The following ARFGEF1 variants were observed in gnomAD, a reference collection of about 807,000 sequenced individuals.
ARFGEF1 encodes the protein brefeldin A-inhibited guanine nucleotide-exchange protein 1.
A neutral mutation model predicts 231.0 loss-of-function variants in ARFGEF1; 42 were observed. The ratio of observed to expected loss-of-function variants is 0.18; its 90% CI spans 0.14 to 0.24. The LOEUF (loss-of-function observed/expected upper bound fraction) is 0.24, where lower values mean the gene tolerates loss of function less well. Ranked by LOEUF, ARFGEF1 falls within the 10% of genes least tolerant of loss-of-function variation. ARFGEF1 has a pLI of 1.00. For synonymous variants in ARFGEF1, 710 were observed against 732.3 expected (o/e 0.97, Z 0.49); for missense variants, 1,345 against 2,192.0 (o/e 0.61, Z 7.72).
rs549571655 is a variant in ARFGEF1, at chr8:67,226,183, G to A, written c.3917C>T (p.Thr1306Ile). ...TGGAAAGTGTTTTTCAAATACAAGG[G>A]CTAAAATAGAGAAAAATATATATTA... The part of the protein sequence containing the change: ...LAFQTTGHIV[T>I]LVFEKHFPAT... Residue 1306 changes from threonine to isoleucine, a missense_variant and splice_region_variant, in exon 28 of 39, where the codon ACC becomes ATC. Coordinates refer to ENST00000262215, the MANE Select transcript of ARFGEF1 (RefSeq NM_006421.5). The A allele has an allele frequency of 3.6e-5, 57 of 1,581,454 alleles. No individual in the cohort carries two copies. Among genetic ancestry groups the A allele is most frequent in the Middle Eastern group, 3.4e-4 (2 of 5,898 alleles).
rs370980556 is a variant in ARFGEF1, at chr8:67,224,986, G to A, written c.4125C>T (p.Asp1375=). The A allele has an allele frequency of 7.6e-5, 122 of 1,606,142 alleles. No individual in the cohort carries two copies. The highest frequency in any genetic ancestry group is 1.0e-4 in the Non-Finnish European group (118 of 1,176,334). Residue 1375 remains aspartate (D), a synonymous_variant, in exon 29 of 39, where the codon GAC becomes GAT. Transcript: ENST00000262215. ...TSDDMNVAPE[D]RVWVRGWFPI... is the part of the protein sequence containing the mutation. ...GGAACCATCCTCTCACCCACACCCT[G>A]TCTTCAGGTGCTACGTTCATATCAT... is the stretch of plus-strand genomic sequence containing the variant.
At chr8:67,186,514 A>G (rs1834644878) in intron 5 of ARFGEF1, among the ~76,000 whole-genome samples, 1 of 152,170 alleles carries the variant, frequency 6.6e-6, no homozygotes, top group African/African-American at 2.4e-5. Context: ...GTAACTCAGC[A>G]AACTTGGAAT....
chr8:67,241,840 C>T lies in ARFGEF1; in HGVS notation c.2851-1550G>A, dbSNP rs540023542. On this transcript the variant is annotated intron_variant, in intron 19 of 38. Coordinates refer to ENST00000262215, the MANE Select transcript of ARFGEF1 (RefSeq NM_006421.5). ...TAGGAAAGACAGTCTTAAATCCCAA[C>T]GCCATCCCTCCCCCGTCTCCCATCA... Among the ~76,000 whole-genome samples, 76 of 152,258 alleles carry T rather than the reference C, an allele frequency of 5.0e-4. 1 individual carries two copies. The South Asian group carries it at 0.01, about 21-fold the overall frequency.
chr8:67,292,180 G>C, intron 5 of ARFGEF1, 57 bp from the exon 6 acceptor site: 1 of 1,480,802 alleles, frequency 6.8e-7, no homozygotes, highest in South Asian at 1.2e-5. Context: ...AATTTGGAAG[G>C]ATAATGTTAC....
chr8:67,253,720 C>A, intron 17 of ARFGEF1, 98 bp from the exon 18 acceptor site: 1 of 659,806 alleles, frequency 1.5e-6, no homozygotes, highest in South Asian at 4.7e-5. Flanking sequence ...TTTGTAAATA[C>A]TTTTGAGGAT....
intron 5 of ARFGEF1, among the ~76,000 whole-genome samples, chr8:67,293,488 A>C (rs1446521581): frequency 6.6e-6 from 1 of 152,174 alleles, no homozygotes; most frequent in Non-Finnish European, 1.5e-5. Context: ...TTGTGGCTGC[A>C]AAATATTAGA....
intron 19 of ARFGEF1, among the ~76,000 whole-genome samples, chr8:67,246,756 C>A (rs917989279): frequency 2.0e-5 from 3 of 149,662 alleles, no homozygotes; most frequent in Non-Finnish European, 3.0e-5. Context: ...AAGATCAGAG[C>A]ACAAATGAAT....
chr8:67,324,279 T>C (rs1807729206), intron 1 of ARFGEF1, among the ~76,000 whole-genome samples: 1 of 152,162 alleles, frequency 6.6e-6, no homozygotes, highest in African/African-American at 2.4e-5. Flanking sequence ...GGCAACTGAG[T>C]GAGACTCTGT....
intron 5 of ARFGEF1, among the ~76,000 whole-genome samples, chr8:67,189,508 A>T (rs1586909549): frequency 6.6e-6 from 1 of 152,228 alleles, no homozygotes; most frequent in African/African-American, 2.4e-5. Context: ...AAAGCCCCAT[A>T]TCTTATTCAA....
At chr8:67,311,258 C>A (rs1408710208) in intron 1 of ARFGEF1, among the ~76,000 whole-genome samples, 2 of 126,804 alleles carry the variant, frequency 1.6e-5, no homozygotes, top group Admixed American at 7.6e-5. Context: ...GCCCCCCGCC[C>A]GGCCAGCCGC....
intron 5 of ARFGEF1, among the ~76,000 whole-genome samples, chr8:67,184,489 G>A (rs1312678919): frequency 4.6e-5 from 7 of 152,080 alleles, no homozygotes; most frequent in East Asian, 1.9e-4. Context: ...TGTAATCCCA[G>A]TACTTTGGGA....
chr8:67,326,215 A>G (rs1179564712), intron 1 of ARFGEF1, among the ~76,000 whole-genome samples: 19 of 152,170 alleles, frequency 1.2e-4, no homozygotes, highest in Admixed American at 1.2e-3. Flanking sequence ...AAAAAAAGAA[A>G]TAAAAGAAAA....
chr8:67,330,194 G>A (rs1399046424), intron 1 of ARFGEF1, among the ~76,000 whole-genome samples: 2 of 151,998 alleles, frequency 1.3e-5, no homozygotes, highest in African/African-American at 2.4e-5. Flanking sequence ...CTACTAAAGG[G>A]TGCTTTTTGA....
At chr8:67,228,880 C>A (rs1319607511) in intron 23 of ARFGEF1, among the ~76,000 whole-genome samples, 1 of 152,012 alleles carries the variant, frequency 6.6e-6, no homozygotes, top group African/African-American at 2.4e-5. Context: ...AAAATTTCAG[C>A]ATAAACACAT....
At chr8:67,328,114 A>G (rs1320402170) in intron 1 of ARFGEF1, among the ~76,000 whole-genome samples, 1 of 152,042 alleles carries the variant, frequency 6.6e-6, no homozygotes, top group African/African-American at 2.4e-5. Flanking sequence ...GAGATAAGAC[A>G]TTTTTTTAAA....
At chr8:67,199,249 C>G (rs1348213152) in intron 38 of ARFGEF1, 151 bp from the exon 39 acceptor site, 1 of 816,734 alleles carries the variant, frequency 1.2e-6, no homozygotes. Flanking sequence ...AACTGAGAGA[C>G]AGAAGTGTTA....
chr8:67,263,984 G>T (rs1413890878), intron 14 of ARFGEF1, among the ~76,000 whole-genome samples: 1 of 152,060 alleles, frequency 6.6e-6, no homozygotes, highest in Non-Finnish European at 1.5e-5. Flanking sequence ...GCACAAGACA[G>T]TATTATATAA....
intron 1 of ARFGEF1, among the ~76,000 whole-genome samples, chr8:67,307,747 G>A (rs901606152): frequency 3.3e-5 from 5 of 152,122 alleles, no homozygotes; most frequent in African/African-American, 1.2e-4. Context: ...TTCCCAAAAC[G>A]ACCACTATGG....
intron 9 of ARFGEF1, among the ~76,000 whole-genome samples, chr8:67,274,306 GA>G (rs1490142246): frequency 1.4e-5 from 2 of 145,548 alleles, no homozygotes; most frequent in African/African-American, 5.2e-5. Context: ...ATGTAACTAC[GA>G]AAGCTTGACT....
Sources: allele counts gnomAD v4.1 joint callset (sites outside exome capture counted in the v4.1 genomes callset), GRCh38; gene constraint gnomAD v4.1.1; transcripts MANE v1.5; gene names NCBI Gene and HGNC (gene_info 2026-07-23, HGNC 2026-07-21).